Variants in GALNT18 observed in about 807,000 individuals in gnomAD.
The protein encoded by GALNT18 is GalNAc-transferase 18.
GALNT18 carries 44 observed loss-of-function variants against 69.5 expected under a neutral mutation model. That is an observed-to-expected ratio of 0.63 (90% CI 0.50 to 0.81). The LOEUF is 0.81. Among genes scored for constraint, GALNT18 ranks in the 40% least tolerant of loss-of-function variants. The probability of loss-of-function intolerance (pLI) is 0.00; values close to 1 mark genes in which losing one functional copy is unlikely to be tolerated. For synonymous variants in GALNT18, 364 were observed against 318.2 expected (o/e 1.14, Z -1.53); for missense variants, 715 against 810.0 (o/e 0.88, Z 1.42).
chr11:11,429,334 C>T (rs907076143), intron 3 of GALNT18, among the ~76,000 whole-genome samples: 1 of 152,254 alleles, frequency 6.6e-6, no homozygotes, highest in Non-Finnish European at 1.5e-5. Flanking sequence ...GCCTACATAT[C>T]TTACCCTCAG....
At chr11:11,597,907 G>A (rs764867850) in intron 1 of GALNT18, among the ~76,000 whole-genome samples, 25 of 152,024 alleles carry the variant, frequency 1.6e-4, no homozygotes, top group Admixed American at 7.2e-4. Context: ...TGATCCACCC[G>A]TCTCGGCCTC....
chr11:11,303,825 C>A (rs73417615), intron 9 of GALNT18, among the ~76,000 whole-genome samples: 2,501 of 152,310 alleles, frequency 0.016, 56 homozygotes, highest in African/African-American at 0.056. Flanking sequence ...CTCTGTAGGC[C>A]ATGAGGTCAT....
chr11:11,440,064 G>C (rs954451698), intron 2 of GALNT18, among the ~76,000 whole-genome samples: 4 of 152,238 alleles, frequency 2.6e-5, no homozygotes. Context: ...AATTGCTGAT[G>C]AGTAAACTGC....
rs1354600491 is a variant in GALNT18, at chr11:11,430,691, C to T, written c.595+1930G>A. 6.6e-6 allele frequency among the ~76,000 whole-genome samples: 1 copy of T among 152,230 alleles called. No homozygotes were observed. The highest frequency in any genetic ancestry group is 1.5e-5 in the Non-Finnish European group (1 of 68,042). On this transcript the variant is annotated intron_variant, in intron 3 of 10. Transcript: ENST00000227756. This position sits in a 1 kb window ranked among gnomAD's most constrained non-coding sequence, Gnocchi z 4.9. Reference sequence around the variant, plus strand: ...CTCTGAGCCATCATTGACCTCCCCTCTGTTGGCCCGCCTGCCCATGGCTTC... The same window carrying T: ...CTCTGAGCCATCATTGACCTCCCCTTTGTTGGCCCGCCTGCCCATGGCTTC...
chr11:11,430,439 C>T lies in GALNT18; in HGVS notation c.595+2182G>A, dbSNP rs1855240123. Among the ~76,000 whole-genome samples the T allele has an allele frequency of 6.6e-6, 1 of 152,234 alleles. No individual in the cohort carries two copies. Among genetic ancestry groups the T allele is most frequent in the Non-Finnish European group, 1.5e-5 (1 of 68,052 alleles). ...AGGCACTGGTTTGGGTGTGCATATA[C>T]AGCTCGATGCAGTTGTGATGACAAG... On this transcript the variant is annotated intron_variant, in intron 3 of 10. Transcript: ENST00000227756. The surrounding 1 kb of genome is among the most constrained non-coding windows in gnomAD (Gnocchi z 4.9).
intron 1 of GALNT18, among the ~76,000 whole-genome samples, chr11:11,532,322 C>A (rs1203520698): frequency 6.6e-6 from 1 of 152,164 alleles, no homozygotes; most frequent in Non-Finnish European, 1.5e-5. Context: ...ACCAAGTAGA[C>A]CATCGTTCAT....
intron 6 of GALNT18, among the ~76,000 whole-genome samples, chr11:11,343,659 A>G (rs1248384271): frequency 6.6e-6 from 1 of 152,322 alleles, no homozygotes; most frequent in Middle Eastern, 3.4e-3. Context: ...TGTGAATCCC[A>G]TGAAGAAGTT....
Position 11,555,654 on chromosome 11 carries a change from C to T in GALNT18, c.235+65705G>A, listed in dbSNP as rs910606434. Among the ~76,000 whole-genome samples the T allele has an allele frequency of 6.6e-6, 1 of 152,236 alleles. No homozygotes were observed. The highest frequency in any genetic ancestry group is 1.5e-5 in the Non-Finnish European group (1 of 68,044). ...AAACACCCACTAAAGACACGTCCTG[C>T]CAGACTTTCCTCATTTCCTTAACAG... On this transcript the variant is annotated intron_variant, in intron 1 of 10. Coordinates refer to ENST00000227756, the MANE Select transcript of GALNT18 (RefSeq NM_198516.3). The surrounding 1 kb of genome is among the most constrained non-coding windows in gnomAD (Gnocchi z 4.7).
intron 9 of GALNT18, among the ~76,000 whole-genome samples, chr11:11,322,472 C>A (rs891455482): frequency 6.6e-6 from 1 of 152,240 alleles, no homozygotes; most frequent in African/African-American, 2.4e-5. Flanking sequence ...GAAAGACCAA[C>A]TACTTGTGAC....
chr11:11,611,555 C>T (rs1859900563), intron 1 of GALNT18, among the ~76,000 whole-genome samples: 1 of 152,178 alleles, frequency 6.6e-6, no homozygotes, highest in Admixed American at 6.5e-5. Context: ...TGTGAGAAGC[C>T]TCAGATGACC....
chr11:11,427,223 G>T (rs142569397), intron 3 of GALNT18, among the ~76,000 whole-genome samples: 413 of 152,310 alleles, frequency 2.7e-3, no homozygotes, highest in African/African-American at 9.4e-3. Context: ...AGGGATTCAG[G>T]CTCCTACATA....
chr11:11,366,356 A>G (rs1850768603), intron 6 of GALNT18, among the ~76,000 whole-genome samples: 1 of 152,240 alleles, frequency 6.6e-6, no homozygotes, highest in African/African-American at 2.4e-5. Flanking sequence ...AAAGCACTAC[A>G]TAAAATGTGT....
chr11:11,608,748 C>T (rs192665374), intron 1 of GALNT18, among the ~76,000 whole-genome samples: 3 of 152,220 alleles, frequency 2.0e-5, no homozygotes, highest in Non-Finnish European at 2.9e-5. Context: ...AATAGCAGCA[C>T]TGATTCTCAT....
At position 11,372,534 on chromosome 11, in the gene GALNT18, T is replaced by C. The variant is rs1446669020; in HGVS notation, c.1073A>G (p.Asn358Ser). The C allele has an allele frequency of 6.2e-7, 1 of 1,614,046 alleles. No individual in the cohort carries two copies. The highest frequency in any genetic ancestry group is 1.3e-5 in the African/African-American group (1 of 74,940). ...DEGMEVYGGE[N>S]VELGIRVWQC... ...ACTCACCCTGATCCCAAGCTCCACA[T>C]TCTCGCCCCCGTAGACTTCCATGCC... is the stretch of plus-strand genomic sequence containing the variant. The change falls in exon 6 of 11, where the codon AAT becomes AGT. Residue 358 changes from asparagine to serine, a missense_variant. Asn to Ser is a conservative substitution (Grantham distance 46, BLOSUM62 1). Coordinates refer to ENST00000227756, the MANE Select transcript of GALNT18 (RefSeq NM_198516.3). This position sits in a 1 kb window ranked among gnomAD's most constrained non-coding sequence, Gnocchi z 4.9.
chr11:11,289,408 G>T (rs769191385), intron 10 of GALNT18, among the ~76,000 whole-genome samples: 1 of 152,194 alleles, frequency 6.6e-6, no homozygotes, highest in Non-Finnish European at 1.5e-5. Flanking sequence ...GCTGAAAACT[G>T]CCCAGTCACC....
rs1362633151 is a variant in GALNT18 at position 11,542,308 on chromosome 11, G to C, written c.235+79051C>G. 6.6e-6 allele frequency among the ~76,000 whole-genome samples: 1 copy of C among 152,172 alleles called. No individual in the cohort carries two copies. Among genetic ancestry groups the C allele is most frequent in the African/African-American group, 2.4e-5 (1 of 41,432 alleles). On this transcript the variant is annotated intron_variant, in intron 1 of 10. Coordinates refer to ENST00000227756, the MANE Select transcript of GALNT18 (RefSeq NM_198516.3). The surrounding 1 kb of genome is among the most constrained non-coding windows in gnomAD (Gnocchi z 4.3). ...CCTCAGCCTTTCTCCCTACCAGATA[G>C]AGCAAGCCATGGACAGACGCCTCCA...
In GALNT18 at chr11:11,564,386, T is replaced by C. The variant is rs1446826109; in HGVS notation, c.235+56973A>G. On this transcript the variant is annotated intron_variant, in intron 1 of 10. Transcript: ENST00000227756. The surrounding 1 kb of genome is among the most constrained non-coding windows in gnomAD (Gnocchi z 4.3). ...TGAGAACCCAAATCCCCGGAAGGAT[T>C]CCAGGCAAGTGCTCACTCAGAAGAG... Among the ~76,000 whole-genome samples the C allele has an allele frequency of 6.6e-6, 1 of 152,182 alleles. No individual in the cohort carries two copies. Among genetic ancestry groups the C allele is most frequent in the East Asian group, 1.9e-4 (1 of 5,194 alleles).
At chr11:11,367,469 T>C (rs975689992) in intron 6 of GALNT18, among the ~76,000 whole-genome samples, 4 of 152,176 alleles carry the variant, frequency 2.6e-5, no homozygotes, top group African/African-American at 9.7e-5. Context: ...GCAAGGCCTT[T>C]CTGGGAGACT....
At chr11:11,342,387 T>C (rs1317425017) in intron 6 of GALNT18, among the ~76,000 whole-genome samples, 1 of 152,226 alleles carries the variant, frequency 6.6e-6, no homozygotes, top group African/African-American at 2.4e-5. Context: ...ACTGTCAACA[T>C]CACCATGAAC....
Sources: gnomAD v4.1 joint callset for allele counts (sites outside exome capture counted in the v4.1 genomes callset) on GRCh38, gnomAD v4.1.1 for gene constraint, Gnocchi (gnomAD v3.1) non-coding constraint, MANE v1.5 for transcripts, NCBI Gene and HGNC (gene_info 2026-07-23, HGNC 2026-07-21) for gene names.